The following SLC44A3 variants were observed in gnomAD, a reference collection of about 807,000 sequenced individuals.
SLC44A3 encodes solute carrier family 44 member 3, also known as choline transporter-like protein 3.
SLC44A3 carries 74 observed loss-of-function variants against 75.4 expected under a neutral mutation model. The observed-to-expected ratio is 0.98, with a 90% CI of 0.81 to 1.19. The LOEUF (loss-of-function observed/expected upper bound fraction) is 1.19. Ranked by LOEUF, SLC44A3 falls within the 50% of genes most tolerant of loss-of-function variation. The pLI is 0.00. For synonymous variants in SLC44A3, 310 were observed against 296.9 expected (o/e 1.04, Z -0.45); for missense variants, 700 against 778.6 (o/e 0.90, Z 1.20).
At position 94,892,480 on chromosome 1, in the gene SLC44A3, C is replaced by T. The variant is rs34381000; in HGVS notation, c.1820C>T (p.Ser607Leu). The T allele has an allele frequency of 1.1e-4, 183 of 1,614,146 alleles. No homozygotes were observed. Among genetic ancestry groups the T allele is most frequent in the South Asian group, 1.1e-3 (100 of 91,080 alleles). The change falls in exon 14 of 15, where the codon TCG becomes TTG. Residue 607 changes from serine (S) to leucine (L), a missense_variant. Ser to Leu is a moderately radical substitution (Grantham distance 145). Transcript: ENST00000271227. ...FAVDLETNDGSSEKPYFMDQE... is the reference protein window; with the variant it reads ...FAVDLETNDGLSEKPYFMDQE... ...GTTGATCTGGAAACAAATGATGGAT[C>T]GTCAGAAAAGCCCTACTTTATGGAT...
chr1:94,847,354 T>C (rs919508026), intron 9 of SLC44A3, among the ~76,000 whole-genome samples: 1 of 152,146 alleles, frequency 6.6e-6, no homozygotes, highest in Non-Finnish European at 1.5e-5. Flanking sequence ...ATTCCGACCT[T>C]GAGGAGGGTG....
intron 12 of SLC44A3, chr1:94,889,210 T>C (rs1477007707): frequency 6.6e-6 from 1 of 152,170 alleles, no homozygotes; most frequent in African/African-American, 2.4e-5. Flanking sequence ...ACCCGCACTG[T>C]GGGAGGCTGA....
chr1:94,851,087 C>T (rs1665157769), intron 9 of SLC44A3, among the ~76,000 whole-genome samples: 3 of 152,076 alleles, frequency 2.0e-5, no homozygotes, highest in Admixed American at 6.5e-5. Context: ...TGGGATCTTC[C>T]TCTAGAATCC....
rs138868689 is a variant in SLC44A3, at chr1:94,892,323, T to C, written c.1663T>C (p.Phe555Leu). 1 of 1,614,202 alleles carries C rather than the reference T, an allele frequency of 6.2e-7. No individual in the cohort carries two copies. Among genetic ancestry groups the C allele is most frequent in the African/African-American group, 1.3e-5 (1 of 75,036 alleles). ...CACTGTTTTTGGAGGACTCATGGCT[T>C]TTAACTACAATCGGGCATTCCAGGT... ...CFTVFGGLMA[F>L]NYNRAFQVWA... The change falls in exon 14 of 15, where the codon TTT becomes CTT. Residue 555 changes from phenylalanine (F) to leucine (L), a missense_variant. Transcript: ENST00000271227.
Position 94,895,070 on chromosome 1 carries a change from T to C in SLC44A3, c.*148T>C, listed in dbSNP as rs1670625105. 1.6e-6 allele frequency: 1 copy of C among 613,248 alleles called. No homozygotes were observed. The highest frequency in any genetic ancestry group is 2.9e-6 in the Non-Finnish European group (1 of 345,488). The allele number at this position is 613,248 out of a possible 1,614,324, so 38.0% of individuals were successfully genotyped here. On this transcript the variant is annotated 3_prime_UTR_variant, in exon 15 of 15. Coordinates refer to ENST00000271227, the MANE Select transcript of SLC44A3 (RefSeq NM_001114106.3). ...TCTTCCTCATTGTCTTTGTCATTAT[T>C]GTTTGACCAGGTAACAATACTGGAA...
intron 3 of SLC44A3, among the ~76,000 whole-genome samples, chr1:94,826,409 T>G (rs1042419656): frequency 3.3e-5 from 5 of 152,170 alleles, no homozygotes; most frequent in African/African-American, 1.2e-4. Flanking sequence ...CCCAACAGTT[T>G]GGAAGGCCAA....
intron 11 of SLC44A3, 81 bp from the exon 12 acceptor site, chr1:94,867,250 T>C (rs1447904904): frequency 1.6e-6 from 2 of 1,263,826 alleles, no homozygotes; most frequent in Non-Finnish European, 2.2e-6. Context: ...AAGTAAAAAC[T>C]GTGTTTCCTC....
Position 94,824,649 on chromosome 1 carries a change from T to G in SLC44A3, c.278+14T>G. On this transcript the variant is annotated intron_variant, in intron 3 of 14. Transcript: ENST00000271227. ...GACCCTAAAAAAGTAAGTATCTAAA[T>G]AAGTCCCCAGTCTGTAAGGAACTGT... is the stretch of plus-strand genomic sequence containing the variant. 6.4e-7 allele frequency: 1 copy of G among 1,560,832 alleles called. No homozygotes were observed. Among genetic ancestry groups the G allele is most frequent in the East Asian group, 2.3e-5 (1 of 44,020 alleles).
At chr1:94,823,238 A>G (rs1378802925) in intron 2 of SLC44A3, among the ~76,000 whole-genome samples, 1 of 151,908 alleles carries the variant, frequency 6.6e-6, no homozygotes, top group African/African-American at 2.4e-5. Flanking sequence ...ACCTTACTAC[A>G]CTCCAACTCG....
At chr1:94,869,261 A>T (rs1667499889) in intron 12 of SLC44A3, among the ~76,000 whole-genome samples, 1 of 152,262 alleles carries the variant, frequency 6.6e-6, no homozygotes, top group African/African-American at 2.4e-5. Flanking sequence ...CTCATAAGTG[A>T]CATTAATGTT....
intron 9 of SLC44A3, among the ~76,000 whole-genome samples, chr1:94,849,352 C>A (rs896334632): frequency 1.3e-5 from 2 of 152,164 alleles, no homozygotes; most frequent in African/African-American, 4.8e-5. Context: ...CCACCACCCC[C>A]CTTCCCCACC....
chr1:94,856,792 G>A (rs1055407116), intron 9 of SLC44A3, among the ~76,000 whole-genome samples: 5 of 151,974 alleles, frequency 3.3e-5, no homozygotes, highest in East Asian at 3.9e-4. Context: ...GTGCAGTGGC[G>A]TGATCTCGGC....
intron 12 of SLC44A3, 55 bp from the exon 13 acceptor site, chr1:94,891,074 GC>G (rs901480536): frequency 6.7e-7 from 1 of 1,495,892 alleles, no homozygotes; most frequent in Non-Finnish European, 9.1e-7. Context: ...TTAATATATT[GC>G]CTTAAAAACA....
chr1:94,868,688 T>C (rs1431518532), intron 12 of SLC44A3, among the ~76,000 whole-genome samples: 1 of 152,212 alleles, frequency 6.6e-6, no homozygotes, highest in Non-Finnish European at 1.5e-5. Context: ...TATGATAAAA[T>C]ATATATGCAT....
chr1:94,829,478 C>T (rs1038633047), intron 5 of SLC44A3, among the ~76,000 whole-genome samples: 2 of 152,160 alleles, frequency 1.3e-5, no homozygotes, highest in Non-Finnish European at 2.9e-5. Flanking sequence ...AGGTCTTATT[C>T]ACCCCTGTAA....
chr1:94,865,466 G>A (rs1218692967), intron 11 of SLC44A3, among the ~76,000 whole-genome samples: 1 of 152,164 alleles, frequency 6.6e-6, no homozygotes, highest in African/African-American at 2.4e-5. Context: ...GCTTGAGAGT[G>A]AGAAATGGGC....
chr1:94,857,541 T>A (rs11801923), intron 10 of SLC44A3, 41 bp downstream of exon 10: 2 of 1,559,126 alleles, frequency 1.3e-6, no homozygotes, highest in Non-Finnish European at 1.7e-6. Context: ...GTCTATGTGG[T>A]TTATCTATGT....
At chr1:94,849,829 T>G (rs1266417583) in intron 9 of SLC44A3, among the ~76,000 whole-genome samples, 1 of 152,188 alleles carries the variant, frequency 6.6e-6, no homozygotes, top group African/African-American at 2.4e-5. Context: ...GACTCAAGTG[T>G]AGCATCAACC....
At chr1:94,851,292 A>C (rs1324498664) in intron 9 of SLC44A3, among the ~76,000 whole-genome samples, 1 of 151,954 alleles carries the variant, frequency 6.6e-6, no homozygotes, top group Non-Finnish European at 1.5e-5. Context: ...TATTTATCTC[A>C]TGCCTGCCCT....
Sources: allele counts gnomAD v4.1 joint callset (sites outside exome capture counted in the v4.1 genomes callset), GRCh38; gene constraint gnomAD v4.1.1; transcripts MANE v1.5; gene names NCBI Gene and HGNC (gene_info 2026-07-23, HGNC 2026-07-21).